NAALADL2: variants seen among roughly 807,000 people sequenced by gnomAD.
NAALADL2 encodes the protein inactive N-acetylated-alpha-linked acidic dipeptidase-like protein 2.
A neutral mutation model predicts 87.2 loss-of-function variants in NAALADL2; 76 were observed. The ratio of observed to expected loss-of-function variants is 0.87; its 90% CI spans 0.72 to 1.05. The LOEUF (loss-of-function observed/expected upper bound fraction) is 1.05. Ranked by LOEUF, NAALADL2 falls within the 50% of genes least tolerant of loss-of-function variation. The probability of loss-of-function intolerance (pLI) is 0.00; values close to 1 mark genes in which losing one functional copy is unlikely to be tolerated. For missense variants in NAALADL2, 1,089 were observed against 945.8 expected (o/e 1.15, Z -1.99); for synonymous variants, 354 against 331.0 (o/e 1.07, Z -0.75).
intron 5 of NAALADL2, among the ~76,000 whole-genome samples, chr3:175,372,592 G>C (rs1005290000): frequency 6.6e-6 from 1 of 152,176 alleles, no homozygotes; most frequent in African/African-American, 2.4e-5. Flanking sequence ...GCCCACTAAG[G>C]CTAACTGATC....
intron 11 of NAALADL2, among the ~76,000 whole-genome samples, chr3:175,733,994 C>A (rs1744148300): frequency 6.6e-6 from 1 of 152,190 alleles, no homozygotes; most frequent in Non-Finnish European, 1.5e-5. Context: ...TATAGCCCCC[C>A]TCCTGGCTGC....
At chr3:174,514,035 CCTT>C (rs1431268772) in intron 1 of NAALADL2, among the ~76,000 whole-genome samples, 3 of 152,098 alleles carry the variant, frequency 2.0e-5, no homozygotes, top group African/African-American at 7.2e-5. Flanking sequence ...AATTAGCTAT[CCTT>C]ATTTATATAC....
At chr3:174,534,335 C>A (rs1013124876) in intron 1 of NAALADL2, among the ~76,000 whole-genome samples, 10 of 152,050 alleles carry the variant, frequency 6.6e-5, no homozygotes, top group African/African-American at 2.4e-4. Flanking sequence ...GGGATCTAGT[C>A]CATTTTTTCA....
chr3:174,739,517 C>A (rs1733552558), intron 3 of NAALADL2, among the ~76,000 whole-genome samples: 1 of 152,008 alleles, frequency 6.6e-6, no homozygotes, highest in Admixed American at 6.6e-5. Context: ...CTTTTCAGTT[C>A]ATGATCGTAT....
At chr3:175,646,509 T>A (rs1180989731) in intron 11 of NAALADL2, among the ~76,000 whole-genome samples, 1 of 152,106 alleles carries the variant, frequency 6.6e-6, no homozygotes, top group African/African-American at 2.4e-5. Context: ...TTTTTCTTTT[T>A]TATGACAGCA....
intron 1 of NAALADL2, among the ~76,000 whole-genome samples, chr3:174,963,636 A>G (rs972279538): frequency 1.3e-5 from 2 of 152,140 alleles, no homozygotes; most frequent in South Asian, 2.1e-4. Context: ...TGTGTCCGCC[A>G]TGGTTTTCTT....
chr3:174,518,602 A>G (rs1345047620), intron 1 of NAALADL2, among the ~76,000 whole-genome samples: 1 of 152,146 alleles, frequency 6.6e-6, no homozygotes, highest in Admixed American at 6.6e-5. Context: ...AATCACCTTA[A>G]CATGACCTGT....
intron 1 of NAALADL2, among the ~76,000 whole-genome samples, chr3:175,010,919 C>G (rs1442397973): frequency 6.6e-6 from 1 of 152,086 alleles, no homozygotes; most frequent in Non-Finnish European, 1.5e-5. Context: ...ATGATCAACA[C>G]TTTCCAAATT....
intron 2 of NAALADL2, among the ~76,000 whole-genome samples, chr3:174,734,488 C>T (rs369844044): frequency 4.9e-4 from 74 of 152,230 alleles, no homozygotes; most frequent in African/African-American, 1.7e-3. Flanking sequence ...TCTTGCAGAT[C>T]GTCTCCTTCT....
At chr3:174,678,972 T>G (rs1047772560) in intron 2 of NAALADL2, among the ~76,000 whole-genome samples, 1 of 152,176 alleles carries the variant, frequency 6.6e-6, no homozygotes, top group East Asian at 1.9e-4. Context: ...TCTTTCTTTT[T>G]GTTCTGCAGA....
chr3:175,576,359 A>G (rs570468635), intron 10 of NAALADL2, among the ~76,000 whole-genome samples, 172 bp downstream of exon 10: 38 of 152,362 alleles, frequency 2.5e-4, no homozygotes, highest in South Asian at 2.3e-3. Context: ...ATTTGAAAAC[A>G]TCAGCTCTTT....
At chr3:175,139,182 A>G (rs903010366) in intron 2 of NAALADL2, among the ~76,000 whole-genome samples, 1 of 151,752 alleles carries the variant, frequency 6.6e-6, no homozygotes, top group African/African-American at 2.4e-5. Flanking sequence ...TATTTGGAAG[A>G]CATAAACTAT....
chr3:175,588,691 A>G (rs1404842238), intron 10 of NAALADL2, among the ~76,000 whole-genome samples: 1 of 151,690 alleles, frequency 6.6e-6, no homozygotes, highest in Non-Finnish European at 1.5e-5. Flanking sequence ...GGTGCCTGCC[A>G]CCACACCTGG....
At chr3:175,494,228 G>T (rs1728503431) in intron 9 of NAALADL2, among the ~76,000 whole-genome samples, 1 of 151,740 alleles carries the variant, frequency 6.6e-6, no homozygotes, top group African/African-American at 2.4e-5. Flanking sequence ...ATTTTCCCAT[G>T]TTATTAATTA....
chr3:175,387,779 C>A (rs1371015959), intron 5 of NAALADL2, among the ~76,000 whole-genome samples: 1 of 152,010 alleles, frequency 6.6e-6, no homozygotes, highest in Non-Finnish European at 1.5e-5. Context: ...TCCACTAATA[C>A]ATTTCTTTCC....
chr3:175,203,025 G>T (rs1198229372), intron 2 of NAALADL2, among the ~76,000 whole-genome samples: 1 of 151,968 alleles, frequency 6.6e-6, no homozygotes, highest in Non-Finnish European at 1.5e-5. Flanking sequence ...TGGACGAGAT[G>T]GACTTTAGAA....
At chr3:175,490,701 A>G (rs777451560) in intron 9 of NAALADL2, among the ~76,000 whole-genome samples, 4 of 151,916 alleles carry the variant, frequency 2.6e-5, no homozygotes, top group Non-Finnish European at 5.9e-5. Flanking sequence ...GACCATAAGT[A>G]ACTATTTGTA....
Position 175,277,014 on chromosome 3 carries a change from A to G in NAALADL2, c.939+20484A>G, listed in dbSNP as rs140960061. 1.2e-3 allele frequency among the ~76,000 whole-genome samples: 184 copies of G among 152,266 alleles called. 2 individuals are homozygous for G. The highest frequency in any genetic ancestry group is 2.2e-3 in the Non-Finnish European group (152 of 68,016). On this transcript the variant is annotated intron_variant, in intron 4 of 13. Transcript: ENST00000454872. ...GCAAAAAACACTGATAATTGAACAAAATAAAACTTACAATATGCTCACTCA... is the reference window on the plus strand; with the variant it reads ...GCAAAAAACACTGATAATTGAACAAGATAAAACTTACAATATGCTCACTCA...
chr3:175,152,008 G>A (rs968526069), intron 2 of NAALADL2, among the ~76,000 whole-genome samples: 1 of 152,116 alleles, frequency 6.6e-6, no homozygotes, highest in Non-Finnish European at 1.5e-5. Flanking sequence ...CAGATTAAAA[G>A]TAATGTCTTC....
Sources: allele counts gnomAD v4.1 joint callset (sites outside exome capture counted in the v4.1 genomes callset), GRCh38; gene constraint gnomAD v4.1.1; transcripts MANE v1.5; gene names NCBI Gene and HGNC (gene_info 2026-07-23, HGNC 2026-07-21).